GMDS: variants seen among roughly 807,000 people sequenced by gnomAD.
GMDS encodes the protein GDP-mannose 4,6 dehydratase.
GMDS carries 20 observed loss-of-function variants against 49.9 expected under a neutral mutation model. The ratio of observed to expected loss-of-function variants is 0.40; its 90% CI spans 0.28 to 0.58. GMDS has a LOEUF of 0.58. Among genes scored for constraint, GMDS ranks in the 20% least tolerant of loss-of-function variants. The pLI, the probability that GMDS is intolerant of heterozygous loss-of-function variation, is 0.42. For missense variants in GMDS, 362 were observed against 481.4 expected, an observed-to-expected ratio of 0.75 and a Z score of 2.32; for synonymous variants, 177 against 178.6, an observed-to-expected ratio of 0.99 and a Z score of 0.07.
chr6:1,731,735 T>C (rs1027837908), intron 8 of GMDS, among the ~76,000 whole-genome samples: 10 of 152,178 alleles, frequency 6.6e-5, no homozygotes, highest in African/African-American at 2.4e-4. Context: ...TTGAATAAGA[T>C]GTCAGGAAAT....
intron 1 of GMDS, among the ~76,000 whole-genome samples, chr6:2,151,344 T>A (rs919915857): frequency 2.6e-5 from 4 of 152,214 alleles, no homozygotes; most frequent in Admixed American, 6.5e-5. Context: ...ACAATTTTTT[T>A]ATTTTATTTT....
At chr6:1,913,864 G>A (rs1042532870) in intron 7 of GMDS, among the ~76,000 whole-genome samples, 10 of 150,458 alleles carry the variant, frequency 6.6e-5, no homozygotes, top group Non-Finnish European at 1.2e-4. Flanking sequence ...ATGCAGATAT[G>A]GTAAAGCGGA....
At chr6:2,153,575 A>G (rs575040613) in intron 1 of GMDS, among the ~76,000 whole-genome samples, 3 of 152,318 alleles carry the variant, frequency 2.0e-5, no homozygotes, top group Admixed American at 2.0e-4. Context: ...ATGAACTCAT[A>G]AACAGATTTA....
chr6:1,713,327 A>G (rs1490274282), intron 9 of GMDS, among the ~76,000 whole-genome samples: 5 of 152,200 alleles, frequency 3.3e-5, no homozygotes. Context: ...CTTCCTGGGA[A>G]GAGTTGGTGG....
intron 4 of GMDS, among the ~76,000 whole-genome samples, chr6:2,096,508 T>G (rs1455191041): frequency 6.6e-6 from 1 of 152,198 alleles, no homozygotes; most frequent in Non-Finnish European, 1.5e-5. Context: ...TGTTAACTAA[T>G]GTAGTGGAAA....
intron 9 of GMDS, among the ~76,000 whole-genome samples, chr6:1,667,593 A>G (rs1764274512): frequency 6.6e-6 from 1 of 152,134 alleles, no homozygotes; most frequent in Non-Finnish European, 1.5e-5. Flanking sequence ...CCATATGAAC[A>G]TGCTGAAAGA....
At chr6:2,016,652 A>G (rs1220770594) in intron 4 of GMDS, among the ~76,000 whole-genome samples, 4 of 152,240 alleles carry the variant, frequency 2.6e-5, no homozygotes, top group Admixed American at 2.0e-4. Flanking sequence ...CAAAATGCTC[A>G]TGTAATAAGA....
chr6:2,137,250 G>C (rs1776053408), intron 1 of GMDS, among the ~76,000 whole-genome samples: 1 of 151,558 alleles, frequency 6.6e-6, no homozygotes, highest in South Asian at 2.1e-4. Context: ...AAATTACCTT[G>C]TCCTTTCCTG....
intron 4 of GMDS, among the ~76,000 whole-genome samples, chr6:2,112,805 C>CT (rs2127496897): frequency 6.6e-6 from 1 of 152,260 alleles, no homozygotes; most frequent in East Asian, 1.9e-4. Context: ...CTCATCCCCT[C>CT]TTGCTTGCAA....
intron 7 of GMDS, among the ~76,000 whole-genome samples, chr6:1,809,735 C>T (rs970855268): frequency 2.6e-5 from 4 of 152,050 alleles, no homozygotes; most frequent in Admixed American, 6.5e-5. Flanking sequence ...AAGAACAGAT[C>T]AGGATTAAGA....
In GMDS at chr6:2,143,547, A is replaced by T. The variant is rs559220078; in HGVS notation, c.103-18816T>A. 8.5e-5 allele frequency among the ~76,000 whole-genome samples: 13 copies of T among 152,278 alleles called. 1 individual carries two copies. The East Asian group carries it at 1.2e-3, about 14-fold the overall frequency. On this transcript the variant is annotated intron_variant, in intron 1 of 10. Coordinates refer to ENST00000380815, the MANE Select transcript of GMDS (RefSeq NM_001500.4). ...TGCCTATTCTAAAGTAATTTTTTTT[A>T]AAAGCAGAAATCAAATCTATGCAAG...
chr6:1,984,611 A>G (rs1042530531), intron 4 of GMDS, among the ~76,000 whole-genome samples: 2 of 152,186 alleles, frequency 1.3e-5, no homozygotes, highest in South Asian at 2.1e-4. Context: ...ATTGGCCTAT[A>G]GGCAAAATTC....
intron 9 of GMDS, among the ~76,000 whole-genome samples, chr6:1,684,096 AT>A (rs1247546069): frequency 2.0e-5 from 3 of 151,440 alleles, no homozygotes; most frequent in East Asian, 3.9e-4. Flanking sequence ...TCTATCAGCT[AT>A]TTTTTTTGTA....
intron 7 of GMDS, among the ~76,000 whole-genome samples, chr6:1,868,369 T>C (rs1758544766): frequency 2.0e-5 from 3 of 152,188 alleles, no homozygotes; most frequent in South Asian, 4.1e-4. Flanking sequence ...ACCTGGAACA[T>C]ATTTTCCTAC....
At position 1,773,484 on chromosome 6, in the gene GMDS, T is replaced by C. The variant is rs192267459; in HGVS notation, c.772-30898A>G. Among the ~76,000 whole-genome samples the C allele has an allele frequency of 2.1e-3, 313 of 152,334 alleles. 2 individuals are homozygous for C. Among genetic ancestry groups the C allele is most frequent in the African/African-American group, 5.8e-3 (242 of 41,572 alleles). Reference sequence around the variant, plus strand: ...TTGGGGATGCCTGGGGACTACAACCTGCAGAGTGACACTCATGGAGGAAGA... The same window carrying C: ...TTGGGGATGCCTGGGGACTACAACCCGCAGAGTGACACTCATGGAGGAAGA... On this transcript the variant is annotated intron_variant, in intron 7 of 10. Transcript: ENST00000380815.
Position 2,047,070 on chromosome 6 carries a change from C to A in GMDS, c.345+68701G>T, listed in dbSNP as rs138893551. ...CTAGAAATTCTGACTATATTGAGTA[C>A]AAATTTTACTTTTTAGTTTTGTTTG... On this transcript the variant is annotated intron_variant, in intron 4 of 10. Coordinates refer to ENST00000380815, the MANE Select transcript of GMDS (RefSeq NM_001500.4). 4.7e-3 allele frequency among the ~76,000 whole-genome samples: 723 copies of A among 152,218 alleles called. 9 individuals are homozygous for A. The highest frequency in any genetic ancestry group is 0.037 in the Middle Eastern group (11 of 294).
intron 9 of GMDS, among the ~76,000 whole-genome samples, chr6:1,675,888 C>T (rs1439657296): frequency 4.0e-5 from 6 of 151,764 alleles, no homozygotes; most frequent in Admixed American, 1.3e-4. Context: ...ATATCACCAC[C>T]GATTCCACAG....
At chr6:2,009,765 T>C (rs1767432951) in intron 4 of GMDS, among the ~76,000 whole-genome samples, 1 of 152,176 alleles carries the variant, frequency 6.6e-6, no homozygotes, top group South Asian at 2.1e-4. Context: ...GCTGCCAATG[T>C]CAATGACAAA....
chr6:1,682,903 GTGAAATTTAC>G lies in GMDS; in HGVS notation c.987+43503_987+43512del, dbSNP rs1345160531. Among the ~76,000 whole-genome samples the G allele has an allele frequency of 3.3e-5, 5 of 152,132 alleles. 1 individual carries two copies. Among genetic ancestry groups the G allele is most frequent in the Non-Finnish European group, 7.3e-5 (5 of 68,036 alleles). ...TAGAAAGGGAAATCTGGATATTTGG[GTGAAATTTAC>G]TGACATTTTAATTCAATTAAAGAAA... On this transcript the variant is annotated intron_variant, in intron 9 of 10. Coordinates refer to ENST00000380815, the MANE Select transcript of GMDS (RefSeq NM_001500.4).
Sources: gnomAD v4.1 joint callset for allele counts (sites outside exome capture counted in the v4.1 genomes callset) on GRCh38, gnomAD v4.1.1 for gene constraint, MANE v1.5 for transcripts, NCBI Gene and HGNC (gene_info 2026-07-23, HGNC 2026-07-21) for gene names.